The following GLB1 variants were observed in gnomAD, a reference collection of about 807,000 sequenced individuals.
The protein encoded by GLB1 is beta-galactosidase.
A neutral mutation model predicts 74.0 loss-of-function variants in GLB1; 56 were observed. The observed-to-expected ratio is 0.76, with a 90% CI of 0.61 to 0.94. The LOEUF (loss-of-function observed/expected upper bound fraction) is 0.94, where lower values mean the gene tolerates loss of function less well. GLB1 is among the 40% of genes least tolerant of loss of function. The pLI, the probability that GLB1 is intolerant of heterozygous loss-of-function variation, is 0.00. For synonymous variants in GLB1, 323 were observed against 323.6 expected (o/e 1.00, Z 0.02); for missense variants, 787 against 845.5 (o/e 0.93, Z 0.86).
rs902241546 is a variant in GLB1 at position 33,045,701 on chromosome 3, C to T, written c.1068+419G>A. On this transcript the variant is annotated intron_variant, in intron 10 of 15. Coordinates refer to ENST00000307363, the MANE Select transcript of GLB1 (RefSeq NM_000404.4). ...TAGGGGCTCCCATATATCCATGCTG[C>T]CTTAATAGGGGCTATAGTCTCAAGA... The T allele has an allele frequency of 8.4e-6, 9 of 1,075,388 alleles. No individual in the cohort carries two copies. In the Middle Eastern group the frequency reaches 1.3e-3, roughly 160 times the overall value. The allele number at this position is 1,075,388 out of a possible 1,614,324, so 66.6% of individuals were successfully genotyped here. A position where few individuals can be genotyped will look rare whatever the true frequency, so the allele number is the denominator to read the frequency against.
intron 10 of GLB1, chr3:33,045,742 C>T (rs1328381289): frequency 1.7e-6 from 2 of 1,152,998 alleles, no homozygotes; most frequent in African/African-American, 1.6e-5. Context: ...TGTGCATTCT[C>T]TCCCATCACC....
At chr3:32,974,667 AACC>A in the GLB1 span, among the ~76,000 whole-genome samples, 1 of 152,234 alleles carries the variant, frequency 6.6e-6, no homozygotes, top group East Asian at 1.9e-4. Flanking sequence ...GTAAGTCCAA[AACC>A]TGGCCATCTT....
At chr3:33,023,966 A>G (rs1174797512) in intron 11 of GLB1, among the ~76,000 whole-genome samples, 1 of 152,088 alleles carries the variant, frequency 6.6e-6, no homozygotes, top group African/African-American at 2.4e-5. Context: ...GACACTGTTT[A>G]AACCACTGAT....
Position 33,093,173 on chromosome 3 carries a change from G to A in GLB1, c.75+3838C>T. ...CCATGCCATGGCCAGAGTAGTGCAG[G>A]ATGTCTGCTTCAATATCGTCCACCC... On this transcript the variant is annotated intron_variant, in intron 1 of 15. Transcript: ENST00000307363. The surrounding 1 kb of genome is among the most constrained non-coding windows in gnomAD (Gnocchi z 6.0). The A allele has an allele frequency of 1.9e-6, 3 of 1,614,138 alleles. No homozygotes were observed. The highest frequency in any genetic ancestry group is 3.3e-5 in the Admixed American group (2 of 60,018).
At chr3:33,094,078 A>T in intron 1 of GLB1, 2 of 1,614,270 alleles carry the variant, frequency 1.2e-6, no homozygotes, top group Non-Finnish European at 1.7e-6. Context: ...AGCCAACGCC[A>T]GGCCCTGAGC....
chr3:32,975,241 C>T, the GLB1 span, among the ~76,000 whole-genome samples: 51 of 151,964 alleles, frequency 3.4e-4, no homozygotes, highest in Non-Finnish European at 6.2e-4. Context: ...ACTACCATGC[C>T]CATATAATTT....
chr3:32,987,640 AC>A, the GLB1 span, among the ~76,000 whole-genome samples: 2 of 151,856 alleles, frequency 1.3e-5, no homozygotes, highest in African/African-American at 4.8e-5. Context: ...TACTAACTAA[AC>A]CTTTTGAAGG....
At chr3:33,068,031 G>A (rs1476455159) in intron 4 of GLB1, among the ~76,000 whole-genome samples, 199 bp downstream of exon 4, 10 of 152,018 alleles carry the variant, frequency 6.6e-5, no homozygotes, top group South Asian at 6.2e-4. Context: ...GATTACAGGC[G>A]CCCACCACCA....
chr3:33,078,229 G>A (rs1366596272), intron 1 of GLB1, among the ~76,000 whole-genome samples: 3 of 152,158 alleles, frequency 2.0e-5, no homozygotes, highest in South Asian at 2.1e-4. Flanking sequence ...GGGTGACAGA[G>A]AGGGACCCTG....
At chr3:33,028,348 T>C (rs1436072765) in intron 10 of GLB1, among the ~76,000 whole-genome samples, 1 of 152,238 alleles carries the variant, frequency 6.6e-6, no homozygotes, top group Non-Finnish European at 1.5e-5. Context: ...CCTTTCTTGC[T>C]ATTATGGTTA....
intron 2 of GLB1, among the ~76,000 whole-genome samples, chr3:33,069,230 A>C (rs1368530811): frequency 1.3e-5 from 2 of 152,056 alleles, no homozygotes; most frequent in Non-Finnish European, 2.9e-5. Context: ...TCTCTACAAA[A>C]AACACAAAAA....
chr3:33,094,985 C>A (rs1003913649), intron 1 of GLB1, among the ~76,000 whole-genome samples: 43 of 152,166 alleles, frequency 2.8e-4, no homozygotes, highest in African/African-American at 1.0e-3. Flanking sequence ...CCGAGGCAGG[C>A]AGATTACCTG....
intron 15 of GLB1, among the ~76,000 whole-genome samples, chr3:33,007,486 G>A (rs1017514665): frequency 3.9e-5 from 6 of 152,190 alleles, no homozygotes; most frequent in African/African-American, 7.2e-5. Flanking sequence ...TGTGACTGGC[G>A]TCTTTCATTA....
intron 15 of GLB1, among the ~76,000 whole-genome samples, chr3:33,011,530 C>T (rs953929889): frequency 7.4e-5 from 11 of 148,862 alleles, no homozygotes; most frequent in African/African-American, 2.5e-4. Flanking sequence ...CTGTAGTCCC[C>T]GCTACTCTGG....
chr3:33,056,558 C>T (rs1034565551), intron 6 of GLB1, among the ~76,000 whole-genome samples: 1 of 152,078 alleles, frequency 6.6e-6, no homozygotes, highest in African/African-American at 2.4e-5. Context: ...GGACTACAGG[C>T]ACTTGCCACC....
Position 33,093,518 on chromosome 3 carries a change from C to T in GLB1, c.75+3493G>A, listed in dbSNP as rs1700865050. 1.2e-6 allele frequency: 2 copies of T among 1,614,120 alleles called. No individual in the cohort carries two copies. Among genetic ancestry groups the T allele is most frequent in the African/African-American group, 1.3e-5 (1 of 74,942 alleles). ...CATTCACCATCCTCACAAACATTTCCATCTTGGTCCTGCCCACTGTGGGGC... is the reference window on the plus strand; with the variant it reads ...CATTCACCATCCTCACAAACATTTCTATCTTGGTCCTGCCCACTGTGGGGC... On this transcript the variant is annotated intron_variant, in intron 1 of 15. Coordinates refer to ENST00000307363, the MANE Select transcript of GLB1 (RefSeq NM_000404.4). This position sits in a 1 kb window ranked among gnomAD's most constrained non-coding sequence, Gnocchi z 6.0.
intron 12 of GLB1, 129 bp from the exon 13 acceptor site, chr3:33,018,690 G>A (rs1051977177): frequency 1.0e-4 from 101 of 983,260 alleles, no homozygotes; most frequent in Middle Eastern, 8.2e-4. Flanking sequence ...TCCACCTCCC[G>A]AAAAAATTAA....
At chr3:33,045,546 T>C (rs761020149) in intron 10 of GLB1, 16 of 989,050 alleles carry the variant, frequency 1.6e-5, no homozygotes, top group Non-Finnish European at 1.9e-5. Context: ...AGTTATTTTC[T>C]AGTGAGAAAT....
intron 1 of GLB1, chr3:33,091,863 T>C: frequency 1.0e-6 from 1 of 985,428 alleles, no homozygotes; most frequent in Non-Finnish European, 1.2e-6. Context: ...ACACGGGTGC[T>C]TATCTCCATC....
Sources: allele counts gnomAD v4.1 joint callset (sites outside exome capture counted in the v4.1 genomes callset), GRCh38; gene constraint gnomAD v4.1.1; non-coding constraint Gnocchi (gnomAD v3.1); transcripts MANE v1.5; gene names NCBI Gene and HGNC (gene_info 2026-07-23, HGNC 2026-07-21).